Variants in ESRRG observed in about 807,000 individuals in gnomAD.
ESRRG encodes the protein estrogen related receptor gamma.
A neutral mutation model predicts 44.0 loss-of-function variants in ESRRG; 13 were observed. That is an observed-to-expected ratio of 0.30 (90% CI 0.19 to 0.47). The LOEUF is 0.47. Ranked by LOEUF, ESRRG falls within the 20% of genes least tolerant of loss-of-function variation. The pLI, the probability that ESRRG is intolerant of heterozygous loss-of-function variation, is 1.00. For synonymous variants in ESRRG, 215 were observed against 214.6 expected, an observed-to-expected ratio of 1.00 and a Z score of -0.02; for missense variants, 395 against 580.6, an observed-to-expected ratio of 0.68 and a Z score of 3.29.
intron 3 of ESRRG, among the ~76,000 whole-genome samples, chr1:216,597,515 T>G (rs2058613813): frequency 6.6e-6 from 1 of 152,190 alleles, no homozygotes; most frequent in Admixed American, 6.5e-5. Context: ...TTCTAACATG[T>G]GTTATGTAAC....
At chr1:217,121,396 T>C (rs2092818014) in intron 1 of ESRRG, among the ~76,000 whole-genome samples, 1 of 152,074 alleles carries the variant, frequency 6.6e-6, no homozygotes. Context: ...AAAATGATGA[T>C]CAGATTTGCA....
At position 216,666,829 on chromosome 1, in the gene ESRRG, G is replaced by C. The variant is rs373846384; in HGVS notation, c.472+10247C>G. 1.2e-3 allele frequency among the ~76,000 whole-genome samples: 183 copies of C among 152,224 alleles called. 1 individual carries two copies. The highest frequency in any genetic ancestry group is 4.1e-3 in the African/African-American group (170 of 41,526). ...TGGAAGTGATCTGTGAAGTCCCTTA[G>C]ACTGGAACATAAAAACAATACAAAC... On this transcript the variant is annotated intron_variant, in intron 2 of 6. Coordinates refer to ENST00000408911, the MANE Select transcript of ESRRG (RefSeq NM_001438.4).
intron 1 of ESRRG, among the ~76,000 whole-genome samples, chr1:217,027,238 C>T (rs11572421): frequency 0.23 from 35,116 of 151,962 alleles, 4,270 homozygotes; most frequent in Middle Eastern, 0.29. Context: ...TCTCCAGTAA[C>T]CAGAAAAGAA....
intron 5 of ESRRG, among the ~76,000 whole-genome samples, chr1:216,542,505 A>C (rs552409287): frequency 3.9e-5 from 6 of 152,140 alleles, no homozygotes; most frequent in Non-Finnish European, 5.9e-5. Flanking sequence ...TCAATGTAAC[A>C]GGGAGAATTA....
intron 6 of ESRRG, 58 bp downstream of exon 6, chr1:216,519,094 G>C: frequency 6.8e-7 from 1 of 1,480,798 alleles, no homozygotes. Context: ...AAGTTAAGGA[G>C]AGGGGTAAAA....
At chr1:216,620,739 TAGA>T (rs1261488914) in intron 3 of ESRRG, among the ~76,000 whole-genome samples, 13 of 152,308 alleles carry the variant, frequency 8.5e-5, no homozygotes, top group Admixed American at 7.2e-4. Context: ...TGTAAGTATT[TAGA>T]AGAAGGTGCA....
intron 1 of ESRRG, among the ~76,000 whole-genome samples, chr1:216,709,808 C>G (rs1559349488): frequency 1.3e-5 from 2 of 151,802 alleles, no homozygotes; most frequent in Admixed American, 1.3e-4. Context: ...ATTAAACACA[C>G]AAAAAAATCT....
chr1:216,594,554 C>T (rs993556477), intron 3 of ESRRG, among the ~76,000 whole-genome samples: 10 of 152,180 alleles, frequency 6.6e-5, no homozygotes, highest in African/African-American at 2.4e-4. Context: ...CATCAGCTCA[C>T]TGGAGCACTC....
chr1:216,848,993 C>T (rs72741408), intron 2 of ESRRG, among the ~76,000 whole-genome samples: 9,574 of 152,142 alleles, frequency 0.063, 400 homozygotes, highest in Non-Finnish European at 0.1. Context: ...CTGATATGAA[C>T]TACCTATGAC....
chr1:216,744,660 C>T (rs2091178516), intron 2 of ESRRG, among the ~76,000 whole-genome samples: 1 of 152,200 alleles, frequency 6.6e-6, no homozygotes, highest in Non-Finnish European at 1.5e-5. Context: ...ATTTCTACAT[C>T]TCACCATCTT....
At chr1:216,878,106 A>T (rs967366912) in intron 2 of ESRRG, among the ~76,000 whole-genome samples, 1 of 152,174 alleles carries the variant, frequency 6.6e-6, no homozygotes. Flanking sequence ...TTTTGCCAAC[A>T]TGGTGTTTTA....
At chr1:216,687,809 A>G (rs891539045) in intron 1 of ESRRG, among the ~76,000 whole-genome samples, 4 of 152,226 alleles carry the variant, frequency 2.6e-5, no homozygotes, top group African/African-American at 4.8e-5. Context: ...TTAGGTGAAA[A>G]TAAGTGTTGT....
intron 2 of ESRRG, among the ~76,000 whole-genome samples, chr1:216,764,745 G>C (rs114151104): frequency 2.0e-5 from 3 of 152,122 alleles, no homozygotes; most frequent in African/African-American, 7.2e-5. Flanking sequence ...ATCCAACAGC[G>C]AACAGATGGC....
chr1:217,001,997 A>ATT (rs34955630), intron 1 of ESRRG, among the ~76,000 whole-genome samples: 15 of 150,640 alleles, frequency 1.0e-4, no homozygotes, highest in Admixed American at 4.6e-4. Flanking sequence ...CACCATTATA[A>ATT]TTTTTTTTTT....
intron 3 of ESRRG, among the ~76,000 whole-genome samples, chr1:216,581,116 C>T (rs568575105): frequency 1.3e-5 from 2 of 152,190 alleles, no homozygotes; most frequent in East Asian, 1.9e-4. Flanking sequence ...GACTAAATAA[C>T]ATATTTTGAA....
intron 3 of ESRRG, among the ~76,000 whole-genome samples, chr1:216,582,639 C>T (rs2063015829): frequency 6.6e-6 from 1 of 152,130 alleles, no homozygotes; most frequent in African/African-American, 2.4e-5. Context: ...TGGGGTTTCA[C>T]CATGTTGGCC....
intron 2 of ESRRG, among the ~76,000 whole-genome samples, chr1:216,671,697 A>G (rs946237995): frequency 1.1e-4 from 16 of 152,154 alleles, no homozygotes; most frequent in Non-Finnish European, 1.6e-4. Flanking sequence ...GCTATAATGA[A>G]CATCTTTTTA....
chr1:216,956,420 A>T (rs2818794), intron 1 of ESRRG, among the ~76,000 whole-genome samples: 99,629 of 151,914 alleles, frequency 0.66, 35,767 homozygotes, highest in Non-Finnish European at 0.82. Context: ...GCCTATAAAT[A>T]TGTGGATTTA....
chr1:217,092,672 T>G (rs2092365991), upstream of ESRRG, among the ~76,000 whole-genome samples: 1 of 152,206 alleles, frequency 6.6e-6, no homozygotes, highest in Non-Finnish European at 1.5e-5. Flanking sequence ...GTCGAAGCTT[T>G]CAACTCCCTC....
Sources: allele counts gnomAD v4.1 joint callset (sites outside exome capture counted in the v4.1 genomes callset), GRCh38; gene constraint gnomAD v4.1.1; transcripts MANE v1.5; gene names NCBI Gene and HGNC (gene_info 2026-07-23, HGNC 2026-07-21).